DPY19L3: variants seen among roughly 807,000 people sequenced by gnomAD.
DPY19L3 encodes the protein dpy-19 like C-mannosyltransferase 3.
A neutral mutation model predicts 92.3 loss-of-function variants in DPY19L3; 51 were observed. That is an observed-to-expected ratio of 0.55 (90% CI 0.44 to 0.70). The LOEUF (loss-of-function observed/expected upper bound fraction) is 0.70, where lower values mean the gene tolerates loss of function less well. Among genes scored for constraint, DPY19L3 ranks in the 30% least tolerant of loss-of-function variants. The probability of loss-of-function intolerance (pLI) is 0.00; values close to 1 mark genes in which losing one functional copy is unlikely to be tolerated. For missense variants in DPY19L3, 706 were observed against 855.9 expected (o/e 0.82, Z 2.18); for synonymous variants, 309 against 315.2 (o/e 0.98, Z 0.21).
At chr19:32,436,232 T>C (rs1176319280) in intron 4 of DPY19L3, among the ~76,000 whole-genome samples, 1 of 152,216 alleles carries the variant, frequency 6.6e-6, no homozygotes, top group African/African-American at 2.4e-5. Context: ...TTACAAAAGT[T>C]TTAATTTACC....
chr19:32,479,588 C>T (rs1172613397), intron 17 of DPY19L3: 1 of 434,912 alleles, frequency 2.3e-6, no homozygotes, highest in South Asian at 1.6e-5. Context: ...CAAGTTAGAC[C>T]CTCAAGCCCA....
chr19:32,479,373 C>A (rs568537167), intron 17 of DPY19L3, among the ~76,000 whole-genome samples: 8 of 152,034 alleles, frequency 5.3e-5, no homozygotes, highest in African/African-American at 1.7e-4. Flanking sequence ...GTGCACAGAA[C>A]GTCCTGGGCA....
intron 4 of DPY19L3, among the ~76,000 whole-genome samples, chr19:32,433,730 G>A: frequency 6.6e-6 from 1 of 152,052 alleles, no homozygotes; most frequent in East Asian, 1.9e-4. Context: ...GCCCATAAGT[G>A]ATGTTTTTTA....
intron 1 of DPY19L3, chr19:32,406,355 G>C (rs1462189954): frequency 6.6e-6 from 1 of 152,256 alleles, no homozygotes; most frequent in Non-Finnish European, 1.5e-5. Context: ...AGAGCGCTAG[G>C]CTTTTTTATT....
intron 3 of DPY19L3, among the ~76,000 whole-genome samples, chr19:32,417,672 G>A (rs1185626537): frequency 3.3e-5 from 5 of 152,140 alleles, no homozygotes; most frequent in South Asian, 4.1e-4. Context: ...TCTGCCTGCC[G>A]CCATGTAAGA....
chr19:32,433,079 C>T (rs1015382716), intron 4 of DPY19L3, among the ~76,000 whole-genome samples: 3 of 152,108 alleles, frequency 2.0e-5, no homozygotes, highest in African/African-American at 7.2e-5. Context: ...TTCTCATGAT[C>T]ATTTTGGAGG....
At chr19:32,428,564 G>A (rs1968847200) in intron 3 of DPY19L3, among the ~76,000 whole-genome samples, 1 of 152,134 alleles carries the variant, frequency 6.6e-6, no homozygotes, top group Non-Finnish European at 1.5e-5. Flanking sequence ...GAGGGTTCTT[G>A]CTAAAGGCAG....
chr19:32,441,061 A>G (rs770939126), intron 8 of DPY19L3, among the ~76,000 whole-genome samples: 8 of 152,290 alleles, frequency 5.3e-5, no homozygotes, highest in South Asian at 4.1e-4. Flanking sequence ...CTGGTAACCT[A>G]TACACTCCTA....
intron 1 of DPY19L3, among the ~76,000 whole-genome samples, chr19:32,406,597 C>T (rs1967960469): frequency 6.6e-6 from 1 of 152,132 alleles, no homozygotes; most frequent in African/African-American, 2.4e-5. Flanking sequence ...AGTCATCCTC[C>T]TGCCTCAACC....
chr19:32,437,275 A>G lies in DPY19L3; in HGVS notation c.532A>G (p.Ser178Gly), dbSNP rs1969172825. 1 of 1,613,992 alleles carries G rather than the reference A, an allele frequency of 6.2e-7. No homozygotes were observed. ...AIYVTALYIT[S>G]WLLSGTWLSG... ...CTATGTCACAGCTCTCTACATAACC[A>G]GCTGGCTACTCAGTGGTACATGGCT... The change falls in exon 6 of 19, where the codon AGC becomes GGC. Residue 178 changes from serine to glycine, a missense_variant. Coordinates refer to ENST00000392250, the MANE Select transcript of DPY19L3 (RefSeq NM_001172774.2).
intron 4 of DPY19L3, among the ~76,000 whole-genome samples, chr19:32,433,438 G>A (rs1181710449): frequency 6.6e-6 from 1 of 152,140 alleles, no homozygotes; most frequent in Non-Finnish European, 1.5e-5. Context: ...TTGTTTTTGA[G>A]ACAGGGTCTC....
At chr19:32,443,758 C>T (rs1053093737) in intron 8 of DPY19L3, among the ~76,000 whole-genome samples, 1 of 152,124 alleles carries the variant, frequency 6.6e-6, no homozygotes, top group Non-Finnish European at 1.5e-5. Flanking sequence ...TAATAGGATA[C>T]AGTTAAAAAT....
chr19:32,439,080 C>A (rs1173806361), intron 6 of DPY19L3, 32 bp from the exon 7 acceptor site: 9 of 1,576,130 alleles, frequency 5.7e-6, no homozygotes, highest in Non-Finnish European at 7.8e-6. Flanking sequence ...TAAAAACTAT[C>A]ACTTTGGCCA....
intron 9 of DPY19L3, among the ~76,000 whole-genome samples, chr19:32,454,219 C>A (rs766828695): frequency 6.6e-6 from 1 of 152,090 alleles, no homozygotes; most frequent in South Asian, 2.1e-4. Context: ...TCTTTTTACA[C>A]CCATAAGTCT....
Position 32,432,805 on chromosome 19 carries a change from A to G in DPY19L3, c.327A>G (p.Gln109=), listed in dbSNP as rs1381612647. ...KQMLQAPTLV[Q]GFHGLIYDNK... ...TGCTGCAGGCTCCAACCCTCGTGCA[A>G]GGTAATTACAACTGATAGTTTCATT... Residue 109 remains glutamine (Q), a splice_region_variant and synonymous_variant, in exon 4 of 19, where the codon CAA becomes CAG. Transcript: ENST00000392250. The G allele has an allele frequency of 1.2e-6, 2 of 1,613,554 alleles. No homozygotes were observed. Among genetic ancestry groups the G allele is most frequent in the Non-Finnish European group, 1.7e-6 (2 of 1,179,614 alleles).
chr19:32,480,703 A>G (rs1368153732), intron 18 of DPY19L3, 146 bp downstream of exon 18: 44 of 1,122,690 alleles, frequency 3.9e-5, no homozygotes, highest in Non-Finnish European at 5.0e-5. Flanking sequence ...TGCTTCCTAC[A>G]GAAGCCCTCT....
In DPY19L3 at chr19:32,480,569, G is replaced by C. The variant is rs755191794; in HGVS notation, c.1989+12G>C. On this transcript the variant is annotated intron_variant, in intron 18 of 18. Transcript: ENST00000392250. ...TTGCCAACGGCCACGTGAGCATGCT[G>C]CCTCTCCCTGTGTGGGGGTCTCCTG... 1 of 1,608,696 alleles carries C rather than the reference G, an allele frequency of 6.2e-7. No homozygotes were observed. The highest frequency in any genetic ancestry group is 1.7e-5 in the Admixed American group (1 of 59,174).
chr19:32,408,673 C>T (rs1489792831), intron 2 of DPY19L3, among the ~76,000 whole-genome samples: 2 of 152,034 alleles, frequency 1.3e-5, no homozygotes, highest in Admixed American at 1.3e-4. Flanking sequence ...TTTTTCTGGT[C>T]GTGTATACTA....
intron 8 of DPY19L3, among the ~76,000 whole-genome samples, chr19:32,441,258 T>C (rs1450389076): frequency 6.6e-6 from 1 of 152,216 alleles, no homozygotes; most frequent in African/African-American, 2.4e-5. Flanking sequence ...TGGAAATGAC[T>C]TGAGCCAATA....
Sources: allele counts gnomAD v4.1 joint callset (sites outside exome capture counted in the v4.1 genomes callset), GRCh38; gene constraint gnomAD v4.1.1; transcripts MANE v1.5; gene names NCBI Gene and HGNC (gene_info 2026-07-23, HGNC 2026-07-21).